The following LRRC4C variants were observed in gnomAD, a reference collection of about 807,000 sequenced individuals.
LRRC4C encodes leucine-rich repeat-containing protein 4C.
In LRRC4C, 5 loss-of-function variants were observed where a neutral mutation model predicts 33.6. That is an observed-to-expected ratio of 0.15 (90% CI 0.08 to 0.31). The LOEUF is 0.31. Ranked by LOEUF, LRRC4C falls within the 10% of genes least tolerant of loss-of-function variation. The pLI, the probability that LRRC4C is intolerant of heterozygous loss-of-function variation, is 1.00. For synonymous variants in LRRC4C, 329 were observed against 302.0 expected (o/e 1.09, Z -0.93); for missense variants, 560 against 796.7 (o/e 0.70, Z 3.58).
chr11:41,100,987 A>C (rs1941139314), intron 1 of LRRC4C, among the ~76,000 whole-genome samples: 3 of 151,826 alleles, frequency 2.0e-5, no homozygotes, highest in African/African-American at 4.8e-5. Flanking sequence ...CTGTCTAGCC[A>C]TATACAAAAG....
rs1448091046 is a variant in LRRC4C, at chr11:41,168,886, T to C, written c.-495-235163A>G. ...AACATCACTACAAGTCTCAGATTAC[T>C]ACTGAAGCAGATTTGAGACAGAAGT... On this transcript the variant is annotated intron_variant, in intron 1 of 6. Coordinates refer to ENST00000528697, the MANE Select transcript of LRRC4C (RefSeq NM_001258419.2). 2.6e-5 allele frequency among the ~76,000 whole-genome samples: 4 copies of C among 152,286 alleles called. No homozygotes were observed. In the East Asian group the frequency reaches 7.7e-4, roughly 29 times the overall value.
At chr11:40,398,170 T>C (rs1022849181) in intron 3 of LRRC4C, among the ~76,000 whole-genome samples, 3 of 152,030 alleles carry the variant, frequency 2.0e-5, no homozygotes, top group African/African-American at 7.2e-5. Flanking sequence ...CTATGATAGC[T>C]TGTTAAGTAG....
chr11:41,047,199 A>G (rs531407263), intron 1 of LRRC4C, among the ~76,000 whole-genome samples: 1 of 152,248 alleles, frequency 6.6e-6, no homozygotes, highest in Admixed American at 6.5e-5. Context: ...ATAATTAAAA[A>G]TTCGCAAAAA....
intron 2 of LRRC4C, among the ~76,000 whole-genome samples, chr11:40,873,086 G>A (rs948714124): frequency 6.6e-6 from 1 of 152,260 alleles, no homozygotes; most frequent in Admixed American, 6.5e-5. Flanking sequence ...TTAGCAGCCT[G>A]GTGAAGTCCT....
chr11:41,404,778 A>G (rs960789538), intron 1 of LRRC4C, among the ~76,000 whole-genome samples: 1 of 152,088 alleles, frequency 6.6e-6, no homozygotes, highest in Non-Finnish European at 1.5e-5. Context: ...CAGACCATCA[A>G]TTAGAAGCAA....
intron 1 of LRRC4C, among the ~76,000 whole-genome samples, chr11:41,186,841 T>G (rs1945714714): frequency 6.6e-6 from 1 of 152,234 alleles, no homozygotes; most frequent in Non-Finnish European, 1.5e-5. Context: ...GTGCCTTGTT[T>G]CCTAAGGATT....
chr11:40,227,328 G>A (rs1338985114), intron 5 of LRRC4C, among the ~76,000 whole-genome samples: 2 of 152,124 alleles, frequency 1.3e-5, no homozygotes, highest in Non-Finnish European at 2.9e-5. Flanking sequence ...TGCATAAGTA[G>A]GTGATGCTCC....
intron 2 of LRRC4C, among the ~76,000 whole-genome samples, chr11:40,803,801 A>C (rs932429564): frequency 3.9e-5 from 6 of 152,116 alleles, no homozygotes; most frequent in Non-Finnish European, 5.9e-5. Flanking sequence ...AGTACATAGT[A>C]GGTATATATT....
intron 1 of LRRC4C, among the ~76,000 whole-genome samples, chr11:41,085,033 C>A (rs1939863418): frequency 6.6e-6 from 1 of 152,146 alleles, no homozygotes; most frequent in Non-Finnish European, 1.5e-5. Context: ...TAGCCAAGAT[C>A]GACACAGATA....
intron 1 of LRRC4C, among the ~76,000 whole-genome samples, chr11:40,992,406 T>C (rs1426532193): frequency 6.6e-6 from 1 of 150,742 alleles, no homozygotes; most frequent in Non-Finnish European, 1.5e-5. Context: ...TATTGACTGA[T>C]ATAAAAACAA....
In LRRC4C at chr11:40,761,079, A is replaced by G. The variant is rs147909993; in HGVS notation, c.-406-112801T>C. On this transcript the variant is annotated intron_variant, in intron 2 of 6. Coordinates refer to ENST00000528697, the MANE Select transcript of LRRC4C (RefSeq NM_001258419.2). ...TAAACCCATAGCCCACTTGGTTATT[A>G]TTATGTTTATGATTATGTTTAATTT... Among the ~76,000 whole-genome samples the G allele has an allele frequency of 1.7e-4, 26 of 151,712 alleles. No individual in the cohort carries two copies. The East Asian group carries it at 4.7e-3, about 27-fold the overall frequency.
At chr11:41,295,494 C>T (rs1475369155) in intron 1 of LRRC4C, among the ~76,000 whole-genome samples, 1 of 152,032 alleles carries the variant, frequency 6.6e-6, no homozygotes, top group Non-Finnish European at 1.5e-5. Context: ...CGTGGTTTCC[C>T]CAGTTCAGGA....
chr11:40,944,172 AT>A (rs937787151), intron 1 of LRRC4C, among the ~76,000 whole-genome samples: 2 of 152,166 alleles, frequency 1.3e-5, no homozygotes, highest in African/African-American at 4.8e-5. Context: ...TAAAAGTGAT[AT>A]TTATTGATAA....
intron 2 of LRRC4C, among the ~76,000 whole-genome samples, chr11:40,854,029 A>G (rs1260602027): frequency 1.3e-5 from 2 of 152,074 alleles, no homozygotes; most frequent in African/African-American, 4.8e-5. Context: ...TCTCTTCTCA[A>G]ACGATGCCTT....
intron 2 of LRRC4C, among the ~76,000 whole-genome samples, chr11:40,697,750 G>C (rs779016912): frequency 1.3e-4 from 20 of 152,060 alleles, no homozygotes; most frequent in Non-Finnish European, 2.4e-4. Context: ...TTTGACCTTA[G>C]TTTGTTCAAC....
intron 1 of LRRC4C, among the ~76,000 whole-genome samples, chr11:41,086,695 T>G (rs1393272579): frequency 1.3e-5 from 2 of 152,140 alleles, no homozygotes; most frequent in Non-Finnish European, 2.9e-5. Flanking sequence ...ATTTTTAAGA[T>G]GAGCAAAATG....
rs79014638 is a variant in LRRC4C, at chr11:40,147,373, T to C, written c.-95-6520A>G. ...CTTACAGGATCCCTGTCCTGCTGCA[T>C]AAATCTAGTTCTTTTTATTATAACT... is the stretch of plus-strand genomic sequence containing the variant. On this transcript the variant is annotated intron_variant, in intron 5 of 6. Coordinates refer to ENST00000528697, the MANE Select transcript of LRRC4C (RefSeq NM_001258419.2). Among the ~76,000 whole-genome samples the C allele has an allele frequency of 6.2e-3, 947 of 152,280 alleles. 4 individuals carry two copies. The highest frequency in any genetic ancestry group is 9.5e-3 in the Non-Finnish European group (647 of 68,014).
At chr11:41,234,234 T>A (rs1211597691) in intron 1 of LRRC4C, among the ~76,000 whole-genome samples, 5 of 152,044 alleles carry the variant, frequency 3.3e-5, no homozygotes, top group Non-Finnish European at 5.9e-5. Context: ...AAGTTTATTT[T>A]TAATTGACAA....
intron 1 of LRRC4C, among the ~76,000 whole-genome samples, chr11:41,231,179 G>A (rs1365689609): frequency 6.6e-6 from 1 of 152,054 alleles, no homozygotes. Flanking sequence ...CTGTAAACTA[G>A]TTCAACCACT....
Sources: gnomAD v4.1 joint callset for allele counts (sites outside exome capture counted in the v4.1 genomes callset) on GRCh38, gnomAD v4.1.1 for gene constraint, MANE v1.5 for transcripts, NCBI Gene and HGNC (gene_info 2026-07-23, HGNC 2026-07-21) for gene names.